The following DOCK8 variants were observed in gnomAD, a reference collection of about 807,000 sequenced individuals.
The protein encoded by DOCK8 is dedicator of cytokinesis protein 8.
In DOCK8, 141 loss-of-function variants were observed where a neutral mutation model predicts 245.6. The ratio of observed to expected loss-of-function variants is 0.57; its 90% CI spans 0.50 to 0.66. The LOEUF is 0.66. Among genes scored for constraint, DOCK8 ranks in the 30% least tolerant of loss-of-function variants. The probability of loss-of-function intolerance (pLI) is 0.00; values close to 1 mark genes in which losing one functional copy is unlikely to be tolerated. For missense variants in DOCK8, 2,965 were observed against 2,603.4 expected, an observed-to-expected ratio of 1.14 and a Z score of -3.02; for synonymous variants, 1,168 against 970.2, an observed-to-expected ratio of 1.20 and a Z score of -3.79.
rs73641538 is a variant in DOCK8, at chr9:379,524, T to C, written c.2441-247T>C. On this transcript the variant is annotated intron_variant, in intron 20 of 47. Coordinates refer to ENST00000432829, the MANE Select transcript of DOCK8 (RefSeq NM_203447.4). ...GAAGGAGGACGTCTGGACAGTCTTA[T>C]GTCTTTGTCATTAAAAACCATCAAT... is the stretch of plus-strand genomic sequence containing the variant. 0.047 allele frequency among the ~76,000 whole-genome samples: 7,136 copies of C among 152,216 alleles called. 226 individuals carry two copies. Among genetic ancestry groups the C allele is most frequent in the African/African-American group, 0.083 (3,429 of 41,534 alleles).
chr9:439,325 C>T lies in DOCK8; in HGVS notation c.5160C>T (p.Gly1720=). 4 of 1,614,182 alleles carry T rather than the reference C, an allele frequency of 2.5e-6. No individual in the cohort carries two copies. The highest frequency in any genetic ancestry group is 3.4e-6 in the Non-Finnish European group (4 of 1,180,024). ...CTGACGAGGATGGGGTGTGCGCAGGCCAGTACTTCACCGAGAGTGGCCTGG... is the reference window on the plus strand; with the variant it reads ...CTGACGAGGATGGGGTGTGCGCAGGTCAGTACTTCACCGAGAGTGGCCTGG... The part of the protein sequence containing the change: ...LSPDEDGVCA[G]QYFTESGLVG... Residue 1720 remains glycine, a synonymous_variant, in exon 40 of 48, where the codon GGC becomes GGT. Coordinates refer to ENST00000432829, the MANE Select transcript of DOCK8 (RefSeq NM_203447.4).
At chr9:349,504 C>T (rs141533726) in intron 14 of DOCK8, among the ~76,000 whole-genome samples, 2 of 152,338 alleles carry the variant, frequency 1.3e-5, no homozygotes, top group Non-Finnish European at 2.9e-5. Context: ...AATAACTGTA[C>T]ATTTAGCAAT....
At chr9:433,434 T>A (rs748833401) in intron 37 of DOCK8, among the ~76,000 whole-genome samples, 1 of 152,148 alleles carries the variant, frequency 6.6e-6, no homozygotes, top group Non-Finnish European at 1.5e-5. Flanking sequence ...AATAAATGAT[T>A]ACAAGAGGTT....
chr9:425,690 G>A (rs1054824582), intron 33 of DOCK8, among the ~76,000 whole-genome samples: 2 of 150,648 alleles, frequency 1.3e-5, no homozygotes, highest in African/African-American at 4.9e-5. Flanking sequence ...CCAGGAGTTC[G>A]AGGCTTCAGT....
intron 4 of DOCK8, among the ~76,000 whole-genome samples, chr9:302,657 A>G (rs10969058): frequency 0.023 from 3,431 of 152,326 alleles, 52 homozygotes; most frequent in African/African-American, 0.038. Context: ...TCAACATGCA[A>G]AAAACCACCC....
rs768204273 is a variant in DOCK8, at chr9:396,901, G to A, written c.3087G>A (p.Ser1029=). Residue 1029 remains serine (S), a synonymous_variant, in exon 25 of 48, where the codon TCG becomes TCA. Transcript: ENST00000432829. ...CTACTATTGTTAATGTGGTCACCTC[G>A]GAAATTGCAGCCCTTTTAGTAAAAC... ...DITTIVNVVT[S]EIAALLVKPQ... 8.7e-6 allele frequency: 14 copies of A among 1,613,954 alleles called. No individual in the cohort carries two copies. The highest frequency in any genetic ancestry group is 1.0e-5 in the Non-Finnish European group (12 of 1,180,014).
intron 29 of DOCK8, among the ~76,000 whole-genome samples, chr9:415,796 AAGGG>A: frequency 6.6e-6 from 1 of 152,244 alleles, no homozygotes; most frequent in Non-Finnish European, 1.5e-5. Context: ...TTGGCAGCTG[AAGGG>A]TGCTGGGATC....
At chr9:224,809 T>G (rs1336748007) in intron 1 of DOCK8, among the ~76,000 whole-genome samples, 2 of 152,278 alleles carry the variant, frequency 1.3e-5, no homozygotes, top group South Asian at 2.1e-4. Flanking sequence ...CAGTCCACTT[T>G]CACCTATGCA....
intron 28 of DOCK8, among the ~76,000 whole-genome samples, chr9:409,398 C>CT (rs2055602777): frequency 6.6e-6 from 1 of 152,088 alleles, no homozygotes; most frequent in Non-Finnish European, 1.5e-5. Flanking sequence ...GGACCACAGA[C>CT]TAAGAACAAG....
intron 30 of DOCK8, among the ~76,000 whole-genome samples, chr9:418,907 G>A (rs906538030): frequency 7.2e-5 from 11 of 152,096 alleles, no homozygotes; most frequent in African/African-American, 2.4e-4. Flanking sequence ...GACTGAAGGA[G>A]GCTGGTAGCT....
chr9:451,933 G>GTATA lies in DOCK8; in HGVS notation c.5962-70_5962-67dup. The GTATA allele has an allele frequency of 1.3e-5, 4 of 307,566 alleles. No individual in the cohort carries two copies. The East Asian group carries it at 1.7e-4, about 13-fold the overall frequency. 19.1% of individuals were successfully genotyped at this position (307,566 alleles called of 1,614,324 possible). ...TATGCATATACATATATATGTATGT[G>GTATA]TATATATATATGTGTGTGTGTGTAT... is the stretch of plus-strand genomic sequence containing the variant. On this transcript the variant is annotated intron_variant, in intron 45 of 47. Transcript: ENST00000432829.
At chr9:362,653 G>A (rs751835546) in intron 14 of DOCK8, among the ~76,000 whole-genome samples, 2 of 152,176 alleles carry the variant, frequency 1.3e-5, no homozygotes, top group Non-Finnish European at 2.9e-5. Flanking sequence ...CTAAAGAGGT[G>A]TTCAAAGGGT....
At chr9:412,163 G>A (rs1586954570) in intron 28 of DOCK8, among the ~76,000 whole-genome samples, 1 of 152,228 alleles carries the variant, frequency 6.6e-6, no homozygotes, top group East Asian at 1.9e-4. Flanking sequence ...AGCACTTTGG[G>A]AGGCCAAAGT....
At chr9:418,443 C>A (rs1266958023) in intron 30 of DOCK8, among the ~76,000 whole-genome samples, 1 of 151,930 alleles carries the variant, frequency 6.6e-6, no homozygotes, top group Non-Finnish European at 1.5e-5. Context: ...TTTTTTGTAT[C>A]TTTTAGTAGA....
chr9:452,772 C>T (rs2057508162), intron 46 of DOCK8: 1 of 152,252 alleles, frequency 6.6e-6, no homozygotes, highest in Admixed American at 6.5e-5. Flanking sequence ...GACAGTTCCC[C>T]ATGTCAGACA....
chr9:441,498 C>T, intron 41 of DOCK8, 81 bp downstream of exon 41: 2 of 1,597,314 alleles, frequency 1.3e-6, no homozygotes, highest in South Asian at 1.1e-5. Context: ...CATCCTTCCT[C>T]TCCAGGGAGT....
chr9:282,602 A>T (rs1336283535), intron 2 of DOCK8, among the ~76,000 whole-genome samples: 1 of 151,444 alleles, frequency 6.6e-6, no homozygotes, highest in East Asian at 1.9e-4. Context: ...AAAAAAAAAA[A>T]TTGTAAAGAC....
At chr9:414,700 T>C in intron 28 of DOCK8, 82 bp from the exon 29 acceptor site, 1 of 1,575,694 alleles carries the variant, frequency 6.3e-7, no homozygotes, top group Non-Finnish European at 8.7e-7. Context: ...TTAGGAGCGT[T>C]TTCATCACTC....
chr9:425,358 C>A (rs1367327724), intron 33 of DOCK8, among the ~76,000 whole-genome samples: 1 of 152,112 alleles, frequency 6.6e-6, no homozygotes, highest in Admixed American at 6.5e-5. Context: ...CGGCGAAACC[C>A]CGTCTCTACT....
Sources: gnomAD v4.1 joint callset for allele counts (sites outside exome capture counted in the v4.1 genomes callset) on GRCh38, gnomAD v4.1.1 for gene constraint, MANE v1.5 for transcripts, NCBI Gene and HGNC (gene_info 2026-07-23, HGNC 2026-07-21) for gene names.